MACROD2: variants seen among roughly 807,000 people sequenced by gnomAD.
The protein encoded by MACROD2 is ADP-ribose glycohydrolase MACROD2.
In MACROD2, 36 loss-of-function variants were observed where a neutral mutation model predicts 70.4. That is an observed-to-expected ratio of 0.51 (90% CI 0.39 to 0.68). MACROD2 has a LOEUF of 0.68. Among genes scored for constraint, MACROD2 ranks in the 30% least tolerant of loss-of-function variants. MACROD2 has a pLI of 0.00. For missense variants in MACROD2, 496 were observed against 538.4 expected (o/e 0.92, Z 0.78); for synonymous variants, 172 against 178.8 (o/e 0.96, Z 0.30).
intron 5 of MACROD2, among the ~76,000 whole-genome samples, chr20:14,974,177 A>G (rs1215070400): frequency 1.3e-5 from 2 of 152,176 alleles, no homozygotes. Context: ...TTGCCAGTTG[A>G]TTGGATGTAG....
At chr20:15,154,976 T>G (rs199296) in intron 5 of MACROD2, among the ~76,000 whole-genome samples, 89,616 of 151,956 alleles carry the variant, frequency 0.59, 26,568 homozygotes, top group East Asian at 0.65. Context: ...CCTAGGTTCT[T>G]ATTATGGCTG....
chr20:15,199,007 C>CTT (rs11477634), intron 5 of MACROD2, among the ~76,000 whole-genome samples: 18 of 118,622 alleles, frequency 1.5e-4, no homozygotes, highest in African/African-American at 2.9e-4. Context: ...ATCTGGACTT[C>CTT]TTTTTTTTTT....
At chr20:15,085,698 T>C (rs574656418) in intron 5 of MACROD2, among the ~76,000 whole-genome samples, 14 of 152,122 alleles carry the variant, frequency 9.2e-5, no homozygotes, top group South Asian at 4.1e-4. Context: ...AAATGTGATA[T>C]TCTTATTGAT....
chr20:15,910,865 A>G (rs1455250983), intron 10 of MACROD2, among the ~76,000 whole-genome samples: 2 of 152,176 alleles, frequency 1.3e-5, no homozygotes, highest in South Asian at 4.1e-4. Flanking sequence ...TGTATCTGAA[A>G]AGTCTATTTG....
At chr20:14,579,839 T>C (rs907173926) in intron 4 of MACROD2, among the ~76,000 whole-genome samples, 3 of 152,166 alleles carry the variant, frequency 2.0e-5, no homozygotes, top group African/African-American at 7.2e-5. Context: ...TATTGTTGAT[T>C]TAAGCTTGTT....
At chr20:14,779,608 C>A (rs1160336679) in intron 5 of MACROD2, among the ~76,000 whole-genome samples, 1 of 151,970 alleles carries the variant, frequency 6.6e-6, no homozygotes, top group Admixed American at 6.6e-5. Flanking sequence ...ACCCAGTTTT[C>A]TTATTTGTTA....
chr20:15,407,914 G>A (rs2046025797), intron 6 of MACROD2, among the ~76,000 whole-genome samples: 1 of 152,172 alleles, frequency 6.6e-6, no homozygotes, highest in African/African-American at 2.4e-5. Flanking sequence ...GAGACATGGA[G>A]TGATTTCCTC....
chr20:15,967,681 GAAAA>G (rs11467891), intron 13 of MACROD2, 51 bp downstream of exon 13: 5,708 of 415,568 alleles, frequency 0.014, 6 homozygotes, highest in East Asian at 0.025. Flanking sequence ...CTGGGAAACA[GAAAA>G]AAAAAAAAAA....
chr20:15,507,427 C>A (rs113134118), intron 8 of MACROD2, among the ~76,000 whole-genome samples: 74 of 150,486 alleles, frequency 4.9e-4, no homozygotes, highest in African/African-American at 1.6e-3. Context: ...CTCCTTCCTT[C>A]CTTTCTTCCT....
chr20:15,795,674 G>A (rs1434832365), intron 8 of MACROD2, among the ~76,000 whole-genome samples: 2 of 152,098 alleles, frequency 1.3e-5, no homozygotes, highest in African/African-American at 4.8e-5. Context: ...GCTTGTCTTG[G>A]GAGTCTGAGT....
chr20:15,622,613 A>G (rs2049144176), intron 8 of MACROD2, among the ~76,000 whole-genome samples: 1 of 152,088 alleles, frequency 6.6e-6, no homozygotes, highest in East Asian at 1.9e-4. Context: ...TCATCACACT[A>G]CTCAGAACAG....
chr20:15,887,798 A>C (rs1251479679), intron 10 of MACROD2, among the ~76,000 whole-genome samples: 1 of 152,194 alleles, frequency 6.6e-6, no homozygotes, highest in Non-Finnish European at 1.5e-5. Flanking sequence ...AATAATCCAA[A>C]ACATTATCAT....
Position 15,467,288 on chromosome 20 carries a change from A to G in MACROD2, c.572-32486A>G, listed in dbSNP as rs565387127. On this transcript the variant is annotated intron_variant, in intron 7 of 17. Coordinates refer to ENST00000684519, the MANE Select transcript of MACROD2 (RefSeq NM_001351661.2). ...TCTATACCATTTCCCAAAGTTTCCC[A>G]GTGGGCTGTAGCCCTAGCTGTCCAC... Among the ~76,000 whole-genome samples, 3 of 152,362 alleles carry G rather than the reference A, an allele frequency of 2.0e-5. No homozygotes were observed. In the South Asian group the frequency reaches 6.2e-4, roughly 32 times the overall value.
At chr20:15,122,589 T>C (rs547417565) in intron 5 of MACROD2, among the ~76,000 whole-genome samples, 82 of 152,346 alleles carry the variant, frequency 5.4e-4, no homozygotes, top group African/African-American at 1.8e-3. Flanking sequence ...TGTAATCCTC[T>C]TAGTCAACCG....
chr20:14,722,711 A>T (rs1330288255), intron 5 of MACROD2, among the ~76,000 whole-genome samples: 2 of 152,200 alleles, frequency 1.3e-5, no homozygotes, highest in African/African-American at 4.8e-5. Context: ...TTAGTTGCCA[A>T]TTTAGACACC....
intron 4 of MACROD2, among the ~76,000 whole-genome samples, chr20:14,633,931 T>C (rs952892243): frequency 6.6e-6 from 1 of 152,202 alleles, no homozygotes; most frequent in Non-Finnish European, 1.5e-5. Context: ...CATCTAATTT[T>C]CCTGCATAGA....
At chr20:14,268,099 A>C (rs530928298) in intron 3 of MACROD2, among the ~76,000 whole-genome samples, 57 of 152,254 alleles carry the variant, frequency 3.7e-4, no homozygotes, top group Admixed American at 8.5e-4. Flanking sequence ...ATGTGAACTC[A>C]AGATTGCATA....
chr20:14,896,765 A>T (rs1490177458), intron 5 of MACROD2, among the ~76,000 whole-genome samples: 1 of 152,200 alleles, frequency 6.6e-6, no homozygotes, highest in East Asian at 1.9e-4. Flanking sequence ...AAAATGACAG[A>T]TGGCATATGG....
chr20:15,151,770 G>A (rs1468433186), intron 5 of MACROD2, among the ~76,000 whole-genome samples: 1 of 152,002 alleles, frequency 6.6e-6, no homozygotes, highest in Non-Finnish European at 1.5e-5. Flanking sequence ...AGAGTAAATT[G>A]CTGGGCAGGT....
Sources: gnomAD v4.1 joint callset for allele counts (sites outside exome capture counted in the v4.1 genomes callset) on GRCh38, gnomAD v4.1.1 for gene constraint, MANE v1.5 for transcripts, NCBI Gene and HGNC (gene_info 2026-07-23, HGNC 2026-07-21) for gene names.